The following NFIB variants were observed in gnomAD, a reference collection of about 807,000 sequenced individuals.
NFIB encodes the protein nuclear factor 1 B-type.
A neutral mutation model predicts 61.5 loss-of-function variants in NFIB; 11 were observed. The ratio of observed to expected loss-of-function variants is 0.18; its 90% CI spans 0.11 to 0.30. NFIB has a LOEUF of 0.30. NFIB is among the 10% of genes least tolerant of loss of function. The pLI, the probability that NFIB is intolerant of heterozygous loss-of-function variation, is 1.00. For synonymous variants in NFIB, 260 were observed against 216.5 expected, an observed-to-expected ratio of 1.20 and a Z score of -1.76; for missense variants, 471 against 608.9, an observed-to-expected ratio of 0.77 and a Z score of 2.38.
At chr9:14,112,323 T>C (rs2037500715) in intron 10 of NFIB, among the ~76,000 whole-genome samples, 1 of 152,236 alleles carries the variant, frequency 6.6e-6, no homozygotes, top group South Asian at 2.1e-4. Flanking sequence ...CTGATCTGTT[T>C]ATAAGCCACC....
At chr9:14,199,192 T>C (rs964317330) in intron 2 of NFIB, among the ~76,000 whole-genome samples, 2 of 152,204 alleles carry the variant, frequency 1.3e-5, no homozygotes, top group African/African-American at 4.8e-5. Flanking sequence ...TGACTTGAGG[T>C]TACTTGACCT....
chr9:14,144,353 T>C (rs1055043712), intron 6 of NFIB, among the ~76,000 whole-genome samples: 1 of 152,164 alleles, frequency 6.6e-6, no homozygotes, highest in Admixed American at 6.6e-5. Flanking sequence ...ATTAAAATCT[T>C]CTCCAGAAGA....
At chr9:14,094,586 G>A (rs983872608) in intron 10 of NFIB, 1 of 152,422 alleles carries the variant, frequency 6.6e-6, no homozygotes, top group Admixed American at 6.6e-5. Context: ...GATTCCTAAT[G>A]ATTATTACTA....
At chr9:14,450,458 A>G in the NFIB span, among the ~76,000 whole-genome samples, 1 of 152,162 alleles carries the variant, frequency 6.6e-6, no homozygotes, top group African/African-American at 2.4e-5. Flanking sequence ...CAAGTCTATT[A>G]TCCTGTCTTC....
chr9:14,409,118 G>T, the NFIB span, among the ~76,000 whole-genome samples: 1 of 152,132 alleles, frequency 6.6e-6, no homozygotes, highest in Admixed American at 6.5e-5. Context: ...TGACATGCAT[G>T]CTGTAAACAT....
chr9:14,305,352 C>G (rs1017627707), intron 2 of NFIB, among the ~76,000 whole-genome samples: 5 of 152,180 alleles, frequency 3.3e-5, no homozygotes, highest in African/African-American at 1.2e-4. Flanking sequence ...TGAAACTTTA[C>G]TTCCATCCTT....
the NFIB span, among the ~76,000 whole-genome samples, chr9:14,506,714 C>G: frequency 6.6e-6 from 1 of 152,086 alleles, no homozygotes; most frequent in Non-Finnish European, 1.5e-5. Context: ...AAACTCCACC[C>G]TTAAAGGTTT....
the NFIB span, among the ~76,000 whole-genome samples, chr9:14,455,523 A>G: frequency 6.6e-6 from 1 of 152,198 alleles, no homozygotes; most frequent in East Asian, 1.9e-4. Context: ...CTAAAAGGAG[A>G]AAGATGAAAA....
At chr9:14,230,577 C>A (rs376688698) in intron 2 of NFIB, among the ~76,000 whole-genome samples, 1 of 152,042 alleles carries the variant, frequency 6.6e-6, no homozygotes, top group Non-Finnish European at 1.5e-5. Flanking sequence ...GCACATAGTA[C>A]GCACTTAACT....
chr9:14,168,695 TAC>T (rs1483553148), intron 3 of NFIB, among the ~76,000 whole-genome samples: 1 of 152,232 alleles, frequency 6.6e-6, no homozygotes, highest in Admixed American at 6.5e-5. Context: ...AAAATATCGC[TAC>T]AGAGATTAGG....
intron 5 of NFIB, 61 bp from the exon 6 acceptor site, chr9:14,146,868 A>T: frequency 1.3e-6 from 2 of 1,580,120 alleles, no homozygotes; most frequent in Non-Finnish European, 1.7e-6. Flanking sequence ...TACATTTTAA[A>T]GTAAATGATC....
the NFIB span, among the ~76,000 whole-genome samples, chr9:14,452,438 G>GAAGGAAAGGAAAGGAAAGGAAAGAA: frequency 4.1e-5 from 1 of 24,248 alleles, no homozygotes; most frequent in South Asian, 1.9e-3. Context: ...GGAGGGAGGG[G>GAAGGAAAGGAAAGGAAAGGAAAGAA]AAGGAAAGGA....
At chr9:14,244,194 T>C (rs2054641716) in intron 2 of NFIB, among the ~76,000 whole-genome samples, 1 of 152,236 alleles carries the variant, frequency 6.6e-6, no homozygotes, top group African/African-American at 2.4e-5. Context: ...AAGTAAGTGC[T>C]TAAAGATATT....
the NFIB span, among the ~76,000 whole-genome samples, chr9:14,452,758 C>A: frequency 2.6e-5 from 4 of 152,144 alleles, no homozygotes; most frequent in African/African-American, 9.7e-5. Context: ...AGATGGTTAT[C>A]AAATGATTTT....
At chr9:14,474,047 T>C in the NFIB span, among the ~76,000 whole-genome samples, 1 of 152,194 alleles carries the variant, frequency 6.6e-6, no homozygotes, top group Non-Finnish European at 1.5e-5. Context: ...ACTACAAGGA[T>C]TTTATCAGAC....
chr9:14,313,560 G>A lies in NFIB; in HGVS notation c.-49C>T, dbSNP rs1001452609. On this transcript the variant is annotated 5_prime_UTR_variant, in exon 1 of 11. Coordinates refer to ENST00000380953, the MANE Select transcript of NFIB (RefSeq NM_001190737.2). The surrounding 1 kb of genome is among the most constrained non-coding windows in gnomAD (Gnocchi z 4.5). ...CCGGGAGATGCCCAAGAAAATCTTC[G>A]AGAAGCAAGAATTTCATCTATTCAT... The A allele has an allele frequency of 1.9e-6, 3 of 1,612,536 alleles. No homozygotes were observed. Among genetic ancestry groups the A allele is most frequent in the Non-Finnish European group, 8.5e-7 (1 of 1,179,386 alleles).
chr9:14,120,372 T>G lies in NFIB; in HGVS notation c.1245+68A>C. The G allele has an allele frequency of 1.3e-6, 2 of 1,512,590 alleles. No homozygotes were observed. The highest frequency in any genetic ancestry group is 2.3e-5 in the South Asian group (2 of 88,508). The allele number at this position is 1,512,590 out of a possible 1,614,324, so 93.7% of individuals were successfully genotyped here. A position where few individuals can be genotyped will look rare whatever the true frequency, so the allele number is the denominator to read the frequency against. Reference sequence around the variant, plus strand: ...GCCAGACACACTGTCTGACTAACCTTTGTGTCTCAGAATTAGATCTGTCCC... The same window carrying G: ...GCCAGACACACTGTCTGACTAACCTGTGTGTCTCAGAATTAGATCTGTCCC... On this transcript the variant is annotated intron_variant, in intron 8 of 10. Transcript: ENST00000380953. The surrounding 1 kb of genome is among the most constrained non-coding windows in gnomAD (Gnocchi z 4.4).
At chr9:14,163,690 T>G (rs62532513) in intron 3 of NFIB, among the ~76,000 whole-genome samples, 15,139 of 152,106 alleles carry the variant, frequency 0.1, 982 homozygotes, top group Non-Finnish European at 0.15. Flanking sequence ...TTAATGTATC[T>G]TTTTAAGAAT....
At chr9:14,140,392 GCCTAGGATTAATGCTC>G (rs1357869020) in intron 6 of NFIB, among the ~76,000 whole-genome samples, 4 of 152,202 alleles carry the variant, frequency 2.6e-5, no homozygotes, top group Non-Finnish European at 5.9e-5. Context: ...CAAAGTTTGG[GCCTAGGATTAATGCTC>G]CCTATGGATT....
Sources: gnomAD v4.1 joint callset for allele counts (sites outside exome capture counted in the v4.1 genomes callset) on GRCh38, gnomAD v4.1.1 for gene constraint, Gnocchi (gnomAD v3.1) non-coding constraint, MANE v1.5 for transcripts, NCBI Gene and HGNC (gene_info 2026-07-23, HGNC 2026-07-21) for gene names.